The following DLGAP1 variants were observed in gnomAD, a reference collection of about 807,000 sequenced individuals.
The protein encoded by DLGAP1 is DLG associated protein 1, also known as disks large-associated protein 1.
Under a neutral mutation model 90.8 loss-of-function variants are expected in DLGAP1, and 11 were observed. That is an observed-to-expected ratio of 0.12 (90% CI 0.08 to 0.20). The LOEUF (loss-of-function observed/expected upper bound fraction) is 0.20. Ranked by LOEUF, DLGAP1 falls within the 10% of genes least tolerant of loss-of-function variation. DLGAP1 has a pLI of 1.00. For missense variants in DLGAP1, 1,050 were observed against 1,333.8 expected, an observed-to-expected ratio of 0.79 and a Z score of 3.31; for synonymous variants, 558 against 540.7, an observed-to-expected ratio of 1.03 and a Z score of -0.44.
At chr18:3,747,154 G>A (rs2063304448) in intron 5 of DLGAP1, among the ~76,000 whole-genome samples, 1 of 152,168 alleles carries the variant, frequency 6.6e-6, no homozygotes, top group Non-Finnish European at 1.5e-5. Context: ...GCCCAGACCA[G>A]CCTGGGCTAC....
At chr18:4,352,422 C>T (rs750498240) in intron 1 of DLGAP1, among the ~76,000 whole-genome samples, 2 of 152,062 alleles carry the variant, frequency 1.3e-5, no homozygotes, top group Non-Finnish European at 2.9e-5. Flanking sequence ...AATGTCCTAT[C>T]GATCAAGCTA....
intron 11 of DLGAP1, among the ~76,000 whole-genome samples, chr18:3,506,381 C>CGCATG (rs926199280): frequency 1.1e-4 from 17 of 151,718 alleles, no homozygotes; most frequent in African/African-American, 3.1e-4. Context: ...GCTGTGGTGG[C>CGCATG]GCATGCCTGT....
chr18:4,218,663 T>G (rs545942480), intron 1 of DLGAP1, among the ~76,000 whole-genome samples: 1 of 152,000 alleles, frequency 6.6e-6, no homozygotes, highest in Non-Finnish European at 1.5e-5. Context: ...TTCTACTCTA[T>G]ACGTCTATGA....
chr18:3,809,971 G>A (rs1429886911), intron 5 of DLGAP1, among the ~76,000 whole-genome samples: 1 of 152,144 alleles, frequency 6.6e-6, no homozygotes, highest in African/African-American at 2.4e-5. Context: ...GCCCCTAAAT[G>A]TCTCCTCTAC....
intron 7 of DLGAP1, among the ~76,000 whole-genome samples, chr18:3,700,636 GTC>G (rs2061249591): frequency 6.6e-6 from 1 of 152,118 alleles, no homozygotes; most frequent in African/African-American, 2.4e-5. Flanking sequence ...TTGAGACAGA[GTC>G]TCTGTCTGTT....
At chr18:4,349,914 A>T (rs1311501688) in intron 1 of DLGAP1, among the ~76,000 whole-genome samples, 1 of 152,188 alleles carries the variant, frequency 6.6e-6, no homozygotes, top group Non-Finnish European at 1.5e-5. Context: ...GTACTTTATC[A>T]TAGGTAGGTT....
chr18:4,436,032 T>C (rs1303950068), intron 1 of DLGAP1, among the ~76,000 whole-genome samples: 1 of 152,064 alleles, frequency 6.6e-6, no homozygotes, highest in Non-Finnish European at 1.5e-5. Flanking sequence ...GCTCAAAACA[T>C]GCAAGATGGT....
chr18:4,282,711 A>T (rs1048354894), intron 1 of DLGAP1, among the ~76,000 whole-genome samples: 1 of 152,234 alleles, frequency 6.6e-6, no homozygotes, highest in African/African-American at 2.4e-5. Flanking sequence ...ACATAAAAAA[A>T]TAGAAGTAAC....
intron 1 of DLGAP1, among the ~76,000 whole-genome samples, chr18:4,254,525 A>T (rs916395348): frequency 6.6e-6 from 1 of 152,186 alleles, no homozygotes; most frequent in African/African-American, 2.4e-5. Context: ...TCTCCAAAAC[A>T]TCACTTTTAT....
chr18:4,120,588 T>G (rs1192491279), intron 2 of DLGAP1, among the ~76,000 whole-genome samples: 1 of 152,212 alleles, frequency 6.6e-6, no homozygotes, highest in Non-Finnish European at 1.5e-5. Context: ...AGGTTTCGCC[T>G]GACAAGAGAA....
intron 3 of DLGAP1, among the ~76,000 whole-genome samples, chr18:3,894,541 T>C (rs533894267): frequency 6.6e-6 from 1 of 152,336 alleles, no homozygotes; most frequent in African/African-American, 2.4e-5. Flanking sequence ...TTTTGTTCCA[T>C]TGATCTATTT....
At chr18:4,369,110 C>T (rs890326086) in intron 1 of DLGAP1, among the ~76,000 whole-genome samples, 2 of 152,162 alleles carry the variant, frequency 1.3e-5, no homozygotes, top group African/African-American at 4.8e-5. Flanking sequence ...GTCACAAAAC[C>T]TCTGATGGAA....
chr18:3,814,160 T>C lies in DLGAP1; in HGVS notation c.1071A>G (p.Gly357=). The change falls in exon 5 of 13, where the codon GGA becomes GGG. Residue 357 remains glycine, a synonymous_variant. Transcript: ENST00000315677. ...YIKAMGDEDS[G]DSDTSPKPSP... The stretch of plus-strand genomic sequence containing the variant: ...AAGGCTTAGGACTCGTGTCTGAGTC[T>C]CCACTGTCTTCATCCCCCATGGCCT... 3 of 1,614,110 alleles carry C rather than the reference T, an allele frequency of 1.9e-6. No homozygotes were observed. The highest frequency in any genetic ancestry group is 2.5e-6 in the Non-Finnish European group (3 of 1,180,024).
At chr18:4,295,347 C>A (rs523351) in intron 1 of DLGAP1, 146,970 of 152,286 alleles carry the variant, frequency 0.97, 71,136 homozygotes, top group Non-Finnish European at 1. Context: ...TCTTCAGTAG[C>A]CTAATGGTGT....
intron 2 of DLGAP1, chr18:4,013,708 C>G (rs1299155227): frequency 6.6e-6 from 1 of 152,188 alleles, no homozygotes; most frequent in Admixed American, 6.5e-5. Flanking sequence ...ATGCTTCTAA[C>G]AATCGTAAAA....
intron 1 of DLGAP1, among the ~76,000 whole-genome samples, chr18:4,318,348 A>G (rs947282718): frequency 4.6e-5 from 7 of 152,222 alleles, no homozygotes; most frequent in Non-Finnish European, 8.8e-5. Flanking sequence ...CGTATAGAGA[A>G]TAAGAATTAT....
In DLGAP1 at chr18:3,550,773, A is replaced by G. The variant is rs369106957; in HGVS notation, c.2058-16158T>C. 3.4e-5 allele frequency among the ~76,000 whole-genome samples: 4 copies of G among 117,736 alleles called. No individual in the cohort carries two copies. The East Asian group carries it at 9.9e-4, about 29-fold the overall frequency. 77.2% of individuals were successfully genotyped at this position (117,736 alleles called of 152,430 possible). A position where few individuals can be genotyped will look rare whatever the true frequency, so the allele number is the denominator to read the frequency against. On this transcript the variant is annotated intron_variant, in intron 9 of 12. Transcript: ENST00000315677. ...TTTTTTTTTTGTAAGACAGAGTCTC[A>G]CTCTGTCGCCCAGGCTGGAGTGCAG...
chr18:3,604,495 TTCTCAAGTGGTGATA>T (rs2057233003), intron 7 of DLGAP1: 1 of 152,044 alleles, frequency 6.6e-6, no homozygotes, highest in Admixed American at 6.6e-5. Context: ...AATCGGGCAT[TTCTCAAGTGGTGATA>T]CCTTTACCCT....
At chr18:4,429,204 A>C (rs2083225436) in intron 1 of DLGAP1, among the ~76,000 whole-genome samples, 1 of 152,250 alleles carries the variant, frequency 6.6e-6, no homozygotes, top group Non-Finnish European at 1.5e-5. Context: ...AGGATGAGTT[A>C]GAACAGCAGG....
Sources: gnomAD v4.1 joint callset for allele counts (sites outside exome capture counted in the v4.1 genomes callset) on GRCh38, gnomAD v4.1.1 for gene constraint, MANE v1.5 for transcripts, NCBI Gene and HGNC (gene_info 2026-07-23, HGNC 2026-07-21) for gene names.